The following NCOR2 variants were observed in gnomAD, a reference collection of about 807,000 sequenced individuals.
NCOR2 encodes CTG repeat protein 26.
In NCOR2, 81 loss-of-function variants were observed where a neutral mutation model predicts 262.9. The observed-to-expected ratio is 0.31, with a 90% CI of 0.26 to 0.37. The LOEUF (loss-of-function observed/expected upper bound fraction) is 0.37, where lower values mean the gene tolerates loss of function less well. NCOR2 is among the 10% of genes least tolerant of loss of function. NCOR2 has a pLI of 1.00. For missense variants in NCOR2, 3,385 were observed against 3,621.4 expected (o/e 0.93, Z 1.68); for synonymous variants, 1,659 against 1,559.3 (o/e 1.06, Z -1.51).
rs1190699563 is a variant in NCOR2, at chr12:124,501,060, G to GCA, written c.-117-5693_-117-5692insTG. On this transcript the variant is annotated intron_variant, in intron 1 of 46. Coordinates refer to the NCOR2 transcript ENST00000404621. ...CCACGGCACGAGCGCGCGCGCACGC[G>GCA]CGCACACACACACACACACACACAC... 7.8e-3 allele frequency among the ~76,000 whole-genome samples: 383 copies of GCA among 48,806 alleles called. 2 individuals carry two copies. The highest frequency in any genetic ancestry group is 0.032 in the Middle Eastern group (4 of 124). 32.0% of individuals were successfully genotyped at this position (48,806 alleles called of 152,430 possible). A position where few individuals can be genotyped will look rare whatever the true frequency, so the allele number is the denominator to read the frequency against.
chr12:124,425,246 C>T (rs1337705050), intron 11 of NCOR2, among the ~76,000 whole-genome samples: 11 of 152,106 alleles, frequency 7.2e-5, no homozygotes, highest in African/African-American at 2.4e-4. Flanking sequence ...TGGTGGTGGC[C>T]GCCTGTAGTC....
chr12:124,375,413 C>T (rs2039913176), intron 18 of NCOR2, among the ~76,000 whole-genome samples: 1 of 152,200 alleles, frequency 6.6e-6, no homozygotes, highest in South Asian at 2.1e-4. Flanking sequence ...TGTGACAGTG[C>T]AGGTGGCTGC....
In NCOR2 at chr12:124,548,036, G is replaced by A. The variant is rs1048171434; in HGVS notation, c.-164-12425C>T. Among the ~76,000 whole-genome samples the A allele has an allele frequency of 6.6e-6, 1 of 152,052 alleles. No homozygotes were observed. The highest frequency in any genetic ancestry group is 2.4e-5 in the African/African-American group (1 of 41,386). On this transcript the variant is annotated intron_variant, in intron 1 of 32. Transcript: ENST00000458234. The surrounding 1 kb of genome is among the most constrained non-coding windows in gnomAD (Gnocchi z 5.1). ...ATAACCATAAGAACTATGATGATGT[G>A]GAATCTGGTGAAGGAGCCAGCTGGT... is the stretch of plus-strand genomic sequence containing the variant.
intron 23 of NCOR2, 140 bp from the exon 26 acceptor site, chr12:124,355,711 T>G (rs994611754): frequency 3.9e-6 from 5 of 1,293,312 alleles, no homozygotes; most frequent in Non-Finnish European, 5.1e-6. Context: ...TTGCCCTGCC[T>G]GGCTCTGTCC....
At chr12:124,505,681 A>G (rs2049002608) in intron 1 of NCOR2, among the ~76,000 whole-genome samples, 1 of 152,070 alleles carries the variant, frequency 6.6e-6, no homozygotes, top group Non-Finnish European at 1.5e-5. Flanking sequence ...AAAAAGAGCT[A>G]CAAGAATCTC....
At chr12:124,557,687 C>T (rs528753138) in intron 1 of NCOR2, among the ~76,000 whole-genome samples, 4 of 152,154 alleles carry the variant, frequency 2.6e-5, no homozygotes, top group South Asian at 4.2e-4. Context: ...GCAGACGATG[C>T]GAAAATAAAA....
intron 10 of NCOR2, among the ~76,000 whole-genome samples, chr12:124,429,191 G>T (rs1465616730): frequency 6.6e-6 from 1 of 152,262 alleles, no homozygotes; most frequent in Non-Finnish European, 1.5e-5. Flanking sequence ...CCCCCACCCT[G>T]CCAGGCTCTG....
In NCOR2 at chr12:124,348,253, A is replaced by C. The variant is rs993806028; in HGVS notation, c.3906T>G (p.His1302Gln). The stretch of plus-strand genomic sequence containing the variant: ...AGGTGCGCTTGGGGGCGGCCGTCTC[A>C]TGGGGGGGTCCTGAGCTGCTTCTGC... Residue 1302 changes from histidine (H) to glutamine (Q), a missense_variant, in exon 29 of 47, where the codon CAT (histidine) becomes CAG (glutamine). By Grantham distance (24) the His-to-Gln change is conservative. Transcript: ENST00000405201. 11 of 1,612,994 alleles carry C rather than the reference A, an allele frequency of 6.8e-6. No individual in the cohort carries two copies. The Admixed American group carries it at 1.7e-4, about 24-fold the overall frequency.
Position 124,503,812 on chromosome 12 carries a change from G to A in NCOR2, c.-117-8444C>T, listed in dbSNP as rs1798891. Among the ~76,000 whole-genome samples the A allele has an allele frequency of 0.88, 134,541 of 152,142 alleles. 60,202 individuals are homozygous for A. The highest frequency in any genetic ancestry group is 1 in the East Asian group (5,172 of 5,174). ...GATGCACACACTCATCACCAGATGG[G>A]TATCAACTTAGCTGCTTCATTTTCC... On this transcript the variant is annotated intron_variant, in intron 1 of 46. Transcript: ENST00000404621. The surrounding 1 kb of genome is among the most constrained non-coding windows in gnomAD (Gnocchi z 4.3).
At chr12:124,561,344 C>G (rs1346427857) in intron 1 of NCOR2, among the ~76,000 whole-genome samples, 2 of 152,160 alleles carry the variant, frequency 1.3e-5, no homozygotes, top group Non-Finnish European at 2.9e-5. Context: ...ATTTCATCCC[C>G]CGGTTGTGGC....
At chr12:124,372,250 T>C (rs2136026545) in exon 20 of NCOR2, 2 of 1,588,912 alleles carry the variant, frequency 1.3e-6, no homozygotes, top group Non-Finnish European at 1.7e-6. Flanking sequence ...CTTGACGGGC[T>C]CCTCGGCCTT....
chr12:124,489,263 A>T (rs2047947805), intron 1 of NCOR2, among the ~76,000 whole-genome samples: 1 of 152,232 alleles, frequency 6.6e-6, no homozygotes, highest in African/African-American at 2.4e-5. Flanking sequence ...CATAAAAAAC[A>T]ACAATAATAC....
At chr12:124,348,281 T>C (rs1171797655) in exon 29 of NCOR2, 1 of 1,612,636 alleles carries the variant, frequency 6.2e-7, no homozygotes, top group Non-Finnish European at 8.5e-7. Context: ...GCTTCTGCCG[T>C]CCTCCTTGGA....
intron 33 of NCOR2, among the ~76,000 whole-genome samples, chr12:124,342,400 C>T (rs201713504): frequency 1.1e-3 from 172 of 152,168 alleles, no homozygotes; most frequent in East Asian, 7.3e-3. Context: ...GAAGGAGTCT[C>T]GCTCTGTCGC....
intron 11 of NCOR2, among the ~76,000 whole-genome samples, 187 bp downstream of exon 13, chr12:124,426,435 G>T (rs1436402770): frequency 6.6e-6 from 1 of 152,214 alleles, no homozygotes. Context: ...ACGGCCCCCA[G>T]AAAGAACCAA....
rs1026227569 is a variant in NCOR2 at position 124,360,455 on chromosome 12, C to T, written c.3100+1671G>A. Reference sequence around the variant, plus strand: ...TGCCAAGAGCTGCGCTGTGACCTCCCGCTGCTGCCCTTGACTCAACAACGG... The same window carrying T: ...TGCCAAGAGCTGCGCTGTGACCTCCTGCTGCTGCCCTTGACTCAACAACGG... On this transcript the variant is annotated intron_variant, in intron 22 of 46. Coordinates refer to ENST00000405201, the Ensembl canonical transcript of NCOR2. 4.6e-5 allele frequency among the ~76,000 whole-genome samples: 7 copies of T among 152,246 alleles called. No individual in the cohort carries two copies. In the East Asian group the frequency reaches 7.7e-4, roughly 17 times the overall value.
chr12:124,475,923 C>A (rs1459480014), intron 3 of NCOR2, among the ~76,000 whole-genome samples: 3 of 152,206 alleles, frequency 2.0e-5, no homozygotes, highest in Admixed American at 6.5e-5. Context: ...CCCCACAGAA[C>A]CATAGGGCTG....
chr12:124,557,467 T>C (rs752772316), intron 1 of NCOR2, among the ~76,000 whole-genome samples: 17 of 152,188 alleles, frequency 1.1e-4, no homozygotes, highest in Non-Finnish European at 2.2e-4. Context: ...TTCTCCTCTG[T>C]GTCTTTTTGT....
exon 27 of NCOR2, chr12:124,354,134 G>T: frequency 6.2e-7 from 1 of 1,610,320 alleles, no homozygotes. Flanking sequence ...CTGTCCGAGG[G>T]CACCCGTGTG....
Sources: gnomAD v4.1 joint callset for allele counts (sites outside exome capture counted in the v4.1 genomes callset) on GRCh38, gnomAD v4.1.1 for gene constraint, Gnocchi (gnomAD v3.1) non-coding constraint, MANE v1.5 for transcripts, NCBI Gene and HGNC (gene_info 2026-07-23, HGNC 2026-07-21) for gene names.